The following CIMIP2A variants were observed in gnomAD, a reference collection of about 807,000 sequenced individuals.
CIMIP2A encodes the protein family with sequence similarity 166 member A.
At chr9:137,252,770 G>A in the CIMIP2A span, 1 of 1,561,408 alleles carries the variant, frequency 6.4e-7, no homozygotes, top group African/African-American at 1.4e-5. Flanking sequence ...CACCCACCTA[G>A]GGCTGCCTGG....
At chr9:137,252,927 TGA>T in the CIMIP2A span, 1 of 1,600,708 alleles carries the variant, frequency 6.2e-7, no homozygotes, top group Admixed American at 1.7e-5. Context: ...GCCTTCTCGA[TGA>T]GCCGCTCCCC....
the CIMIP2A span, chr9:137,252,050 C>T: frequency 1.2e-6 from 2 of 1,613,060 alleles, no homozygotes; most frequent in Non-Finnish European, 1.7e-6. Flanking sequence ...TCCCCAGCCC[C>T]ACCAGGTACC....
chr9:137,243,875 GC>G, the CIMIP2A span: 1 of 1,406,462 alleles, frequency 7.1e-7, no homozygotes, highest in Non-Finnish European at 1.0e-6. Context: ...GAAGTGTGGG[GC>G]TGCCCTGGGC....
At chr9:137,243,823 A>G in the CIMIP2A span, 1 of 1,608,902 alleles carries the variant, frequency 6.2e-7, no homozygotes, top group Non-Finnish European at 8.5e-7. Context: ...AGCTGGGCTT[A>G]TGTGCCCAGG....
At chr9:137,252,639 G>GT in the CIMIP2A span, 19 of 1,450,440 alleles carry the variant, frequency 1.3e-5, no homozygotes, top group Non-Finnish European at 1.7e-5. Flanking sequence ...CTGCCCTGCA[G>GT]CCCGTCTCCT....
the CIMIP2A span, chr9:137,251,607 T>C: frequency 1.1e-5 from 13 of 1,137,192 alleles, no homozygotes; most frequent in Admixed American, 4.9e-5. Flanking sequence ...TGAGGGACAG[T>C]GTGGGGACAG....
the CIMIP2A span, chr9:137,247,588 G>T: frequency 7.0e-7 from 1 of 1,432,848 alleles, no homozygotes; most frequent in Non-Finnish European, 9.7e-7. Context: ...TGGCCTCCAT[G>T]CCTCAGGCCC....
the CIMIP2A span, chr9:137,245,214 T>C: frequency 6.7e-4 from 1,057 of 1,581,246 alleles, 9 homozygotes; most frequent in Non-Finnish European, 1.4e-4. Context: ...CTGGCAGTGG[T>C]ACAGCTGGAG....
the CIMIP2A span, chr9:137,243,657 C>G: frequency 6.2e-7 from 1 of 1,614,120 alleles, no homozygotes; most frequent in South Asian, 1.1e-5. Context: ...GCTGTTTTCC[C>G]TGTCCACATC....
chr9:137,244,661 T>C, the CIMIP2A span: 635 of 1,613,672 alleles, frequency 3.9e-4, no homozygotes, highest in Non-Finnish European at 5.3e-4. Flanking sequence ...GTCGAATTCG[T>C]CCATGGCTTG....
chr9:137,244,722 T>C, the CIMIP2A span: 2 of 1,613,314 alleles, frequency 1.2e-6, no homozygotes, highest in Non-Finnish European at 1.7e-6. Flanking sequence ...AAACGGGGAA[T>C]GAAGCCAGCA....
chr9:137,249,083 C>A, the CIMIP2A span, among the ~76,000 whole-genome samples: 1 of 151,654 alleles, frequency 6.6e-6, no homozygotes, highest in African/African-American at 2.4e-5. Context: ...GTCTCGAACT[C>A]CTGACCTCGT....
chr9:137,252,816 C>T, the CIMIP2A span: 1 of 1,567,756 alleles, frequency 6.4e-7, no homozygotes. Flanking sequence ...CAGCCCCAGT[C>T]CCTGCTTCAG....
the CIMIP2A span, chr9:137,251,799 C>T: frequency 6.3e-7 from 1 of 1,597,222 alleles, no homozygotes; most frequent in Non-Finnish European, 8.5e-7. Context: ...TGAGACACAG[C>T]CCCCAAAGAT....
At chr9:137,245,769 A>T in the CIMIP2A span, 5 of 1,558,848 alleles carry the variant, frequency 3.2e-6, no homozygotes, top group Admixed American at 1.9e-5. Context: ...TCTTCTGCAC[A>T]CTGGGGTCTG....
the CIMIP2A span, chr9:137,251,589 C>T: frequency 9.1e-7 from 1 of 1,093,064 alleles, no homozygotes; most frequent in Non-Finnish European, 1.3e-6. Flanking sequence ...CTGGGAGCGG[C>T]CAGGGGCTGA....
chr9:137,252,602 G>A, the CIMIP2A span: 26 of 1,511,012 alleles, frequency 1.7e-5, no homozygotes, highest in East Asian at 4.0e-4. Flanking sequence ...CCAAAGGGGG[G>A]CTGGCTGAGG....
At chr9:137,248,274 A>G in the CIMIP2A span, among the ~76,000 whole-genome samples, 1 of 152,206 alleles carries the variant, frequency 6.6e-6, no homozygotes, top group South Asian at 2.1e-4. Context: ...GCGGCCAGGC[A>G]CGGTGGCTCA....
At chr9:137,244,343 T>C in the CIMIP2A span, 1 of 1,608,904 alleles carries the variant, frequency 6.2e-7, no homozygotes, top group East Asian at 2.2e-5. Flanking sequence ...AAACAGATAG[T>C]CAAGTTGTCC....
Sources: allele counts gnomAD v4.1 joint callset (sites outside exome capture counted in the v4.1 genomes callset), GRCh38; gene constraint gnomAD v4.1.1; transcripts MANE v1.5; gene names NCBI Gene and HGNC (gene_info 2026-07-23, HGNC 2026-07-21).